Variants in EVA1C observed in about 807,000 individuals in gnomAD.
EVA1C encodes protein eva-1 homolog C.
A neutral mutation model predicts 45.4 loss-of-function variants in EVA1C; 25 were observed. The observed-to-expected ratio is 0.55, with a 90% CI of 0.40 to 0.77. The LOEUF is 0.77. Among genes scored for constraint, EVA1C ranks in the 30% least tolerant of loss-of-function variants. The pLI is 0.00. For missense variants in EVA1C, 479 were observed against 554.8 expected (o/e 0.86, Z 1.37); for synonymous variants, 190 against 221.2 (o/e 0.86, Z 1.25).
chr21:32,483,783 A>G (rs530848885), intron 4 of EVA1C, among the ~76,000 whole-genome samples: 1 of 152,268 alleles, frequency 6.6e-6, no homozygotes, highest in African/African-American at 2.4e-5. Context: ...TTGAGTGCCT[A>G]CTGTGTGCCC....
At chr21:32,493,928 T>C (rs898311456) in intron 4 of EVA1C, among the ~76,000 whole-genome samples, 5 of 152,022 alleles carry the variant, frequency 3.3e-5, no homozygotes, top group African/African-American at 1.2e-4. Context: ...GCCTCCCGAG[T>C]AGCTGGGACT....
At position 32,444,091 on chromosome 21, in the gene EVA1C, C is replaced by CACACACAA. The variant is rs1555855221; in HGVS notation, c.161-9220_161-9219insCACACAAA. ...ACACACACACACACACACACACACA[C>CACACACAA]AAACTCAAAGTACTTTCTCTATTCT... On this transcript the variant is annotated intron_variant, in intron 1 of 7. Coordinates refer to ENST00000300255, the MANE Select transcript of EVA1C (RefSeq NM_058187.5). 1.1e-3 allele frequency among the ~76,000 whole-genome samples: 163 copies of CACACACAA among 146,388 alleles called. 2 individuals are homozygous for CACACACAA. Among genetic ancestry groups the CACACACAA allele is most frequent in the Middle Eastern group, 6.8e-3 (2 of 292 alleles).
At chr21:32,429,339 C>A (rs933116359) in intron 1 of EVA1C, among the ~76,000 whole-genome samples, 1 of 150,622 alleles carries the variant, frequency 6.6e-6, no homozygotes, top group Non-Finnish European at 1.5e-5. Flanking sequence ...CCGTGCCTGG[C>A]CCTCAATTTT....
At chr21:32,417,562 TG>T (rs2034098719) in intron 1 of EVA1C, among the ~76,000 whole-genome samples, 1 of 152,210 alleles carries the variant, frequency 6.6e-6, no homozygotes, top group African/African-American at 2.4e-5. Flanking sequence ...TGAATTTTAG[TG>T]GGATGCAGTT....
intron 5 of EVA1C, among the ~76,000 whole-genome samples, chr21:32,499,474 G>A (rs2037459566): frequency 6.6e-6 from 1 of 152,174 alleles, no homozygotes; most frequent in Non-Finnish European, 1.5e-5. Flanking sequence ...AGTCTCCCTT[G>A]CTGCTGATGG....
chr21:32,483,920 T>G (rs988257607), intron 4 of EVA1C, among the ~76,000 whole-genome samples: 2 of 152,052 alleles, frequency 1.3e-5, no homozygotes. Context: ...TTCATGAATA[T>G]ATTCAAATCA....
chr21:32,482,052 G>A (rs1457308012), intron 4 of EVA1C, among the ~76,000 whole-genome samples: 1 of 152,136 alleles, frequency 6.6e-6, no homozygotes, highest in Non-Finnish European at 1.5e-5. Context: ...ATGCGAGGGC[G>A]CTGGCATTGT....
intron 1 of EVA1C, among the ~76,000 whole-genome samples, chr21:32,442,015 A>G (rs981882055): frequency 7.2e-5 from 11 of 152,186 alleles, no homozygotes; most frequent in Admixed American, 4.6e-4. Flanking sequence ...AGTGGCAAAC[A>G]TCATTTCTGC....
chr21:32,507,270 C>T (rs2037751525), intron 7 of EVA1C, among the ~76,000 whole-genome samples: 1 of 152,176 alleles, frequency 6.6e-6, no homozygotes, highest in Admixed American at 6.5e-5. Flanking sequence ...ACTTACTCCC[C>T]GAATTCATTC....
chr21:32,441,741 CA>C, intron 1 of EVA1C, among the ~76,000 whole-genome samples: 1 of 152,190 alleles, frequency 6.6e-6, no homozygotes, highest in Admixed American at 6.5e-5. Flanking sequence ...CTTGATGAAT[CA>C]GAGGGTTGGT....
chr21:32,424,684 G>A (rs757718428), intron 1 of EVA1C, among the ~76,000 whole-genome samples: 11 of 152,210 alleles, frequency 7.2e-5, no homozygotes, highest in Non-Finnish European at 1.6e-4. Context: ...CCCCAGTGCT[G>A]TGGTCCCGCT....
At position 32,474,574 on chromosome 21, in the gene EVA1C, T is replaced by C. The variant is rs2036489708; in HGVS notation, c.634+6726T>C. On this transcript the variant is annotated intron_variant, in intron 4 of 7. Coordinates refer to ENST00000300255, the MANE Select transcript of EVA1C (RefSeq NM_058187.5). This position sits in a 1 kb window ranked among gnomAD's most constrained non-coding sequence, Gnocchi z 4.4. ...TTCTCCACAGCATGGAGATAGACCA[T>C]GGTATGTGTGTGTGGTTCATCTCCC... Among the ~76,000 whole-genome samples, 1 of 152,126 alleles carries C rather than the reference T, an allele frequency of 6.6e-6. No individual in the cohort carries two copies. The highest frequency in any genetic ancestry group is 2.4e-5 in the African/African-American group (1 of 41,430).
At position 32,474,736 on chromosome 21, in the gene EVA1C, A is replaced by G. The variant is rs1236647121; in HGVS notation, c.634+6888A>G. Among the ~76,000 whole-genome samples, 1 of 152,158 alleles carries G rather than the reference A, an allele frequency of 6.6e-6. No individual in the cohort carries two copies. Among genetic ancestry groups the G allele is most frequent in the African/African-American group, 2.4e-5 (1 of 41,434 alleles). On this transcript the variant is annotated intron_variant, in intron 4 of 7. Transcript: ENST00000300255. This position sits in a 1 kb window ranked among gnomAD's most constrained non-coding sequence, Gnocchi z 4.4. ...AGCCCCTCTGAAGTGAGGTGCCCAC[A>G]CTCGGCTCCCGAGGATGGATAATCG...
chr21:32,421,167 G>GAGTGGTTACATATAAAGAATATCC (rs145422635), intron 1 of EVA1C, among the ~76,000 whole-genome samples: 151 of 152,144 alleles, frequency 9.9e-4, no homozygotes, highest in African/African-American at 3.5e-3. Context: ...AATGAGTGGT[G>GAGTGGTTACATATAAAGAATATCC]AGGAAACAAA....
chr21:32,470,028 T>C (rs1177840524), intron 4 of EVA1C, among the ~76,000 whole-genome samples: 1 of 152,232 alleles, frequency 6.6e-6, no homozygotes, highest in African/African-American at 2.4e-5. Context: ...CTCTCTCTGC[T>C]GTATTACCAG....
chr21:32,506,376 A>G (rs1346387087), intron 7 of EVA1C, among the ~76,000 whole-genome samples: 1 of 150,852 alleles, frequency 6.6e-6, no homozygotes, highest in East Asian at 1.9e-4. Flanking sequence ...TGCTATTTAT[A>G]AGATGTCCAT....
chr21:32,503,998 C>T lies in EVA1C; in HGVS notation c.932C>T (p.Ala311Val). The T allele has an allele frequency of 1.2e-6, 2 of 1,610,126 alleles. No individual in the cohort carries two copies. The highest frequency in any genetic ancestry group is 1.7e-6 in the Non-Finnish European group (2 of 1,178,410). Reference protein sequence around the residue: ...DGILVSNSLAAFAYIRAHPER... With the variant: ...DGILVSNSLAVFAYIRAHPER... ...ATTCTTGTTAGCAACTCTCTGGCAGCCTTTGCTTACATTAGAGGTAGGTCA... is the reference window on the plus strand; with the variant it reads ...ATTCTTGTTAGCAACTCTCTGGCAGTCTTTGCTTACATTAGAGGTAGGTCA... Residue 311 changes from alanine to valine, a missense_variant, in exon 7 of 8, where the codon GCC (alanine) becomes GTC (valine). This residue lies in a region of EVA1C where 366 missense variants were observed against 426.1 expected (regional missense o/e 0.86). Coordinates refer to ENST00000300255, the MANE Select transcript of EVA1C (RefSeq NM_058187.5).
intron 6 of EVA1C, among the ~76,000 whole-genome samples, chr21:32,502,978 G>A (rs1212418483): frequency 5.3e-5 from 8 of 152,034 alleles, no homozygotes; most frequent in East Asian, 1.9e-4. Context: ...AAACAGCCTG[G>A]TCCCCCTGCA....
At chr21:32,510,087 C>T (rs1358972240) in intron 7 of EVA1C, among the ~76,000 whole-genome samples, 1 of 141,526 alleles carries the variant, frequency 7.1e-6, no homozygotes, top group East Asian at 2.1e-4. Context: ...TTCTTGGTTA[C>T]CCAGGTTGGA....
Sources: gnomAD v4.1 joint callset for allele counts (sites outside exome capture counted in the v4.1 genomes callset) on GRCh38, gnomAD v4.1.1 for gene constraint, gnomAD v4.1.1 regional missense constraint, Gnocchi (gnomAD v3.1) non-coding constraint, MANE v1.5 for transcripts, NCBI Gene and HGNC (gene_info 2026-07-23, HGNC 2026-07-21) for gene names.